The following OPA3 variants were observed in gnomAD, a reference collection of about 807,000 sequenced individuals.
The protein encoded by OPA3 is optic atrophy 3 protein.
A neutral mutation model predicts 4.0 loss-of-function variants in OPA3; 6 were observed. The observed-to-expected ratio is 1.51, with a 90% CI of 0.83 to 2.99. OPA3 has a LOEUF of 2.99. OPA3 is among the 30% of genes most tolerant of loss of function. OPA3 has a pLI of 0.00. For missense variants in OPA3, 235 were observed against 256.2 expected (o/e 0.92, Z 0.56); for synonymous variants, 105 against 117.1 (o/e 0.90, Z 0.67).
At chr19:45,561,209 T>C (rs1232662083) in intron 1 of OPA3, among the ~76,000 whole-genome samples, 1 of 152,068 alleles carries the variant, frequency 6.6e-6, no homozygotes, top group Non-Finnish European at 1.5e-5. Context: ...GGCGCATGCC[T>C]GTAATCCCAG....
intron 1 of OPA3, among the ~76,000 whole-genome samples, chr19:45,563,650 C>G (rs556203744): frequency 3.5e-4 from 53 of 150,986 alleles, no homozygotes; most frequent in African/African-American, 1.2e-3. Context: ...GGAATCCCAG[C>G]GATCAAACAG....
chr19:45,566,331 G>A (rs1969581423), intron 1 of OPA3, among the ~76,000 whole-genome samples: 1 of 151,740 alleles, frequency 6.6e-6, no homozygotes, highest in African/African-American at 2.4e-5. Context: ...TGTATTTTTA[G>A]TAGAGTTAGG....
intron 1 of OPA3, among the ~76,000 whole-genome samples, chr19:45,536,025 G>A (rs1969113375): frequency 1.3e-5 from 2 of 151,664 alleles, no homozygotes; most frequent in Admixed American, 1.3e-4. Context: ...TCAGGAGTTC[G>A]AGACCAGCCT....
intron 1 of OPA3, among the ~76,000 whole-genome samples, chr19:45,583,800 C>A (rs919364404): frequency 1.3e-5 from 2 of 152,240 alleles, no homozygotes; most frequent in African/African-American, 2.4e-5. Flanking sequence ...CCGCGCCGGA[C>A]CTTACTATGC....
intron 1 of OPA3, among the ~76,000 whole-genome samples, chr19:45,578,758 CG>C (rs1349496431): frequency 6.6e-6 from 1 of 152,220 alleles, no homozygotes; most frequent in Admixed American, 6.5e-5. Context: ...ACCCGGGAGG[CG>C]GAAGTTGTGG....
chr19:45,553,957 C>A (rs1451304174), intron 1 of OPA3, 46 bp from the exon 2 acceptor site: 2 of 1,509,678 alleles, frequency 1.3e-6, no homozygotes, highest in Non-Finnish European at 1.8e-6. Flanking sequence ...GAGCCCCCTG[C>A]AAGCCCCACC....
chr19:45,576,546 C>CA (rs1568410726), intron 1 of OPA3, among the ~76,000 whole-genome samples: 4 of 136,276 alleles, frequency 2.9e-5, no homozygotes, highest in African/African-American at 2.7e-5. Flanking sequence ...CCCCCCCCCC[C>CA]CAAAAAAAAA....
At chr19:45,545,487 C>T (rs956878744), downstream of OPA3, among the ~76,000 whole-genome samples, 2 of 151,586 alleles carry the variant, frequency 1.3e-5, no homozygotes, top group Admixed American at 6.6e-5. Context: ...GCCGTGATTG[C>T]ACCACCGCAC....
chr19:45,572,444 CAA>C (rs1280518573), intron 1 of OPA3, among the ~76,000 whole-genome samples: 1 of 121,456 alleles, frequency 8.2e-6, no homozygotes, highest in Non-Finnish European at 1.6e-5. Flanking sequence ...ATATGTATAT[CAA>C]TATATGATAT....
downstream of OPA3, chr19:45,546,214 T>C (rs1969246960): frequency 6.0e-6 from 1 of 166,082 alleles, no homozygotes; most frequent in African/African-American, 2.4e-5. Flanking sequence ...AATGCATATA[T>C]ATCTGTAGTT....
chr19:45,568,326 A>G (rs1969612791), intron 1 of OPA3, among the ~76,000 whole-genome samples: 1 of 151,952 alleles, frequency 6.6e-6, no homozygotes, highest in South Asian at 2.1e-4. Flanking sequence ...AGTAGCTGGG[A>G]TTACAGGCAT....
intron 1 of OPA3, among the ~76,000 whole-genome samples, chr19:45,538,058 A>T (rs1021871581): frequency 7.4e-6 from 1 of 135,040 alleles, no homozygotes; most frequent in African/African-American, 2.9e-5. Flanking sequence ...CTGAGATGGT[A>T]CCACTGCACT....
chr19:45,557,319 C>T (rs1221976363), intron 1 of OPA3, among the ~76,000 whole-genome samples: 1 of 152,086 alleles, frequency 6.6e-6, no homozygotes, highest in Admixed American at 6.6e-5. Context: ...AGAGCAGGGG[C>T]CGACGGCATT....
Position 45,549,579 on chromosome 19 carries a change from C to G in OPA3, c.*3935G>C. 1.2e-6 allele frequency: 1 copy of G among 847,982 alleles called. No individual in the cohort carries two copies. The highest frequency in any genetic ancestry group is 1.4e-6 in the Non-Finnish European group (1 of 704,738). 52.5% of individuals were successfully genotyped at this position (847,982 alleles called of 1,614,324 possible). On this transcript the variant is annotated 3_prime_UTR_variant, in exon 2 of 2. Transcript: ENST00000263275. ...CACTGCAACCTCCACCTCCTGGGTT[C>G]AAGCAATTCTCGTGCCTCAGCCTCC...
intron 1 of OPA3, among the ~76,000 whole-genome samples, chr19:45,538,636 T>C (rs745311900): frequency 6.6e-6 from 1 of 151,854 alleles, no homozygotes; most frequent in East Asian, 1.9e-4. Flanking sequence ...GGCAAGAGAA[T>C]TCCTTGAACC....
chr19:45,550,472 A>G lies in OPA3; in HGVS notation c.*3042T>C. 1.0e-6 allele frequency: 1 copy of G among 986,084 alleles called. No individual in the cohort carries two copies. Among genetic ancestry groups the G allele is most frequent in the Non-Finnish European group, 1.2e-6 (1 of 830,544 alleles). The allele number at this position is 986,084 out of a possible 1,614,324, so 61.1% of individuals were successfully genotyped here. On this transcript the variant is annotated 3_prime_UTR_variant, in exon 2 of 2. Coordinates refer to ENST00000263275, the MANE Select transcript of OPA3 (RefSeq NM_025136.4). ...TGGGATGGTCTGGGCCTCTGTGTAG[A>G]GATCGTCACCCTCCCAGCCTCTGCT... is the stretch of plus-strand genomic sequence containing the variant.
At chr19:45,536,227 CAAA>C (rs35744947) in intron 1 of OPA3, among the ~76,000 whole-genome samples, 5 of 115,534 alleles carry the variant, frequency 4.3e-5, no homozygotes, top group Admixed American at 1.9e-4. Flanking sequence ...GACTCTATCT[CAAA>C]AAAAAAAAAA....
In OPA3 at chr19:45,553,538, G is replaced by A. The variant is rs1427115632; in HGVS notation, c.516C>T (p.His172=). ...QLCNPGRSAS[H]AVPASKK Reference sequence around the variant, plus strand: ...CCTATTTCTTGGACGCAGGCACTGCGTGGGAAGCGGACCGGCCGGGATTGC... The same window carrying A: ...CCTATTTCTTGGACGCAGGCACTGCATGGGAAGCGGACCGGCCGGGATTGC... The change falls in exon 2 of 2, where the codon CAC becomes CAT. Residue 172 remains histidine, a synonymous_variant. Transcript: ENST00000263275. 3 of 1,613,346 alleles carry A rather than the reference G, an allele frequency of 1.9e-6. No homozygotes were observed. The South Asian group carries it at 3.3e-5, about 18-fold the overall frequency.
chr19:45,584,686 T>G lies in OPA3; in HGVS notation c.79A>C (p.Ile27Leu). ...TCGCTTCGGCGGGCGGCCTCCTTAA[T>G]ACGGTTGGCAAGCGGCTTGCTGACC... is the stretch of plus-strand genomic sequence containing the variant. The part of the protein sequence containing the change: ...RQVSKPLANR[I>L]KEAARRSEFF... The change falls in exon 1 of 2, where the codon ATT (isoleucine) becomes CTT (leucine). Residue 27 changes from isoleucine to leucine, a missense_variant. Ile to Leu is a conservative substitution (Grantham distance 5). Coordinates refer to ENST00000263275, the MANE Select transcript of OPA3 (RefSeq NM_025136.4). 3 of 1,614,172 alleles carry G rather than the reference T, an allele frequency of 1.9e-6. No homozygotes were observed. Among genetic ancestry groups the G allele is most frequent in the East Asian group, 2.2e-5 (1 of 44,878 alleles).
Sources: allele counts gnomAD v4.1 joint callset (sites outside exome capture counted in the v4.1 genomes callset), GRCh38; gene constraint gnomAD v4.1.1; transcripts MANE v1.5; gene names NCBI Gene and HGNC (gene_info 2026-07-23, HGNC 2026-07-21).